Variants in CMBL observed in about 807,000 individuals in gnomAD.
CMBL encodes carboxymethylenebutenolidase homolog, also known as carboxymethylenebutenolidase homolog (Pseudomonas).
Under a neutral mutation model 28.7 loss-of-function variants are expected in CMBL, and 17 were observed. The ratio of observed to expected loss-of-function variants is 0.59; its 90% CI spans 0.41 to 0.89. The LOEUF is 0.89. CMBL is among the 40% of genes least tolerant of loss of function. The pLI is 0.00. For synonymous variants in CMBL, 106 were observed against 101.6 expected, an observed-to-expected ratio of 1.04 and a Z score of -0.26; for missense variants, 310 against 298.5, an observed-to-expected ratio of 1.04 and a Z score of -0.28.
rs374318372 is a variant in CMBL at position 10,291,648 on chromosome 5, G to A, written c.-19-867C>T. Among the ~76,000 whole-genome samples, 23 of 149,052 alleles carry A rather than the reference G, an allele frequency of 1.5e-4. No homozygotes were observed. The East Asian group carries it at 1.7e-3, about 11-fold the overall frequency. Reference sequence around the variant, plus strand: ...TGCACTCCAGCCTGGGGGACAGAGCGAGACGCCGTCTCAAAAACAAAAAAA... The same window carrying A: ...TGCACTCCAGCCTGGGGGACAGAGCAAGACGCCGTCTCAAAAACAAAAAAA... On this transcript the variant is annotated intron_variant, in intron 1 of 5. Transcript: ENST00000296658.
At chr5:10,286,589 T>G in intron 3 of CMBL, 93 bp from the exon 4 acceptor site, 1 of 1,216,204 alleles carries the variant, frequency 8.2e-7, no homozygotes, top group South Asian at 1.7e-5. Context: ...TATCAGCAAC[T>G]GTTTTTGAAG....
intron 3 of CMBL, 34 bp from the exon 4 acceptor site, chr5:10,286,530 G>C (rs1453177274): frequency 6.3e-7 from 1 of 1,599,772 alleles, no homozygotes; most frequent in Admixed American, 1.7e-5. Flanking sequence ...CAAGAATCAG[G>C]CTTATTTTGT....
In CMBL at chr5:10,290,770, A is replaced by T; in HGVS notation, c.-8T>A. Reference sequence around the variant, plus strand: ...ATAAGCTTCGTTAGCCATTGCAGAGATTTAAGTCGGGCTATGGAGAGAGAA... The same window carrying T: ...ATAAGCTTCGTTAGCCATTGCAGAGTTTTAAGTCGGGCTATGGAGAGAGAA... On this transcript the variant is annotated 5_prime_UTR_variant, in exon 2 of 6. Coordinates refer to ENST00000296658, the MANE Select transcript of CMBL (RefSeq NM_138809.4). The T allele has an allele frequency of 6.2e-7, 1 of 1,612,446 alleles. No homozygotes were observed. The highest frequency in any genetic ancestry group is 8.5e-7 in the Non-Finnish European group (1 of 1,178,486).
chr5:10,300,097 G>A (rs1212330642), intron 1 of CMBL, among the ~76,000 whole-genome samples: 1 of 152,228 alleles, frequency 6.6e-6, no homozygotes, highest in Non-Finnish European at 1.5e-5. Flanking sequence ...CAGATGTCCT[G>A]TAGTTAAGAT....
At chr5:10,297,728 C>A (rs2126558907) in intron 1 of CMBL, among the ~76,000 whole-genome samples, 1 of 152,064 alleles carries the variant, frequency 6.6e-6, no homozygotes, top group African/African-American at 2.4e-5. Flanking sequence ...CAATCAATGA[C>A]CCCGGGAGAG....
chr5:10,298,721 C>T (rs1199809889), intron 1 of CMBL, among the ~76,000 whole-genome samples: 1 of 152,136 alleles, frequency 6.6e-6, no homozygotes, highest in African/African-American at 2.4e-5. Flanking sequence ...GGCAAAACCC[C>T]GTTTCTACTA....
rs372804433 is a variant in CMBL at position 10,290,728 on chromosome 5, A to G, written c.35T>C (p.Ile12Thr). 3.1e-6 allele frequency: 5 copies of G among 1,614,118 alleles called. No individual in the cohort carries two copies. Among genetic ancestry groups the G allele is most frequent in the African/African-American group, 1.3e-5 (1 of 74,936 alleles). Residue 12 changes from isoleucine to threonine, a missense_variant, in exon 2 of 6, where the codon ATT becomes ACT. Physicochemically the swap from Ile to Thr is moderately conservative, Grantham distance 89. Transcript: ENST00000296658. The part of the protein sequence containing the change: ...ANEAYPCPCD[I>T]GHRLEYGGLG... ...CCCTCCATACTCAAGTCTGTGGCCAATGTCACACGGACAAGGATAAGCTTC... is the reference window on the plus strand; with the variant it reads ...CCCTCCATACTCAAGTCTGTGGCCAGTGTCACACGGACAAGGATAAGCTTC...
chr5:10,282,143 G>A (rs1746505409), intron 5 of CMBL, 54 bp downstream of exon 5: 1 of 1,263,256 alleles, frequency 7.9e-7, no homozygotes, highest in Non-Finnish European at 1.2e-6. Flanking sequence ...CTGGGCGACA[G>A]AGCGAGACTC....
At chr5:10,305,308 T>C (rs1283384965) in intron 1 of CMBL, among the ~76,000 whole-genome samples, 2 of 152,118 alleles carry the variant, frequency 1.3e-5, no homozygotes, top group Non-Finnish European at 2.9e-5. Flanking sequence ...GTGCTGCATA[T>C]GTGTGAATGA....
chr5:10,282,264 A>G lies in CMBL; in HGVS notation c.491T>C (p.Ile164Thr). The stretch of plus-strand genomic sequence containing the variant: ...CAAAGTGGGGTTCTTTAAATTGTAA[A>G]TGTCTTCAGAATCCTTGACAATGCC... ...VYGIVKDSED[I>T]YNLKNPTLFI... The change falls in exon 5 of 6, where the codon ATT (isoleucine) becomes ACT (threonine). Residue 164 changes from isoleucine to threonine, a missense_variant. Physicochemically the swap from Ile to Thr is moderately conservative, Grantham distance 89. Coordinates refer to ENST00000296658, the MANE Select transcript of CMBL (RefSeq NM_138809.4). 1 of 1,611,656 alleles carries G rather than the reference A, an allele frequency of 6.2e-7. No individual in the cohort carries two copies. Among genetic ancestry groups the G allele is most frequent in the Non-Finnish European group, 8.5e-7 (1 of 1,177,668 alleles).
chr5:10,291,292 A>T (rs1259701761), intron 1 of CMBL, among the ~76,000 whole-genome samples: 1 of 152,202 alleles, frequency 6.6e-6, no homozygotes, highest in African/African-American at 2.4e-5. Context: ...GCAAAAGGAG[A>T]AGAGCTCCAT....
At position 10,289,453 on chromosome 5, in the gene CMBL, G is replaced by GA. The variant is rs1360085137; in HGVS notation, c.216-925dup. Reference sequence around the variant, plus strand: ...CTAAAGGACCCTCCGTGAAACAACAGAAACAGCAATGCCATTTGATCGGCT... The same window carrying GA: ...CTAAAGGACCCTCCGTGAAACAACAGAAAACAGCAATGCCATTTGATCGGCT... On this transcript the variant is annotated intron_variant, in intron 2 of 5. Coordinates refer to ENST00000296658, the MANE Select transcript of CMBL (RefSeq NM_138809.4). This position sits in a 1 kb window ranked among gnomAD's most constrained non-coding sequence, Gnocchi z 4.3. Among the ~76,000 whole-genome samples the GA allele has an allele frequency of 6.6e-6, 1 of 152,208 alleles. No individual in the cohort carries two copies. Among genetic ancestry groups the GA allele is most frequent in the Non-Finnish European group, 1.5e-5 (1 of 68,040 alleles).
chr5:10,283,219 C>T (rs1421372262), intron 4 of CMBL, among the ~76,000 whole-genome samples: 1 of 152,112 alleles, frequency 6.6e-6, no homozygotes, highest in Non-Finnish European at 1.5e-5. Context: ...ATACCTCGTC[C>T]GCTGCTTAGT....
At chr5:10,281,636 G>A (rs1746498417) in intron 5 of CMBL, among the ~76,000 whole-genome samples, 1 of 152,186 alleles carries the variant, frequency 6.6e-6, no homozygotes, top group Admixed American at 6.5e-5. Context: ...TAGCATGGAG[G>A]TGGGGCAAGA....
rs189353646 is a variant in CMBL at position 10,281,515 on chromosome 5, G to A, written c.558+682C>T. Among the ~76,000 whole-genome samples, 22 of 152,312 alleles carry A rather than the reference G, an allele frequency of 1.4e-4. No individual in the cohort carries two copies. In the East Asian group the frequency reaches 3.7e-3, roughly 25 times the overall value. On this transcript the variant is annotated intron_variant, in intron 5 of 5. Coordinates refer to ENST00000296658, the MANE Select transcript of CMBL (RefSeq NM_138809.4). ...TTACAGGCATGAGCCACCACGCCCA[G>A]CTAAATGACTGCTTTTGAACCATAC...
In CMBL at chr5:10,290,613, A is replaced by G. The variant is rs1746693738; in HGVS notation, c.150T>C (p.Asp50=). Residue 50 remains aspartate (D), a synonymous_variant, in exon 2 of 6, where the codon GAT becomes GAC. Coordinates refer to ENST00000296658, the MANE Select transcript of CMBL (RefSeq NM_138809.4). ...TATTGGGCAACTGCCAGCCAAATAT[A>G]TCTTGAATGACAATCACAGCTTTGC... is the stretch of plus-strand genomic sequence containing the variant. ...DAGKAVIVIQ[D]IFGWQLPNTR... 1.2e-6 allele frequency: 2 copies of G among 1,614,226 alleles called. No individual in the cohort carries two copies. The highest frequency in any genetic ancestry group is 1.7e-6 in the Non-Finnish European group (2 of 1,180,042).
At chr5:10,298,210 A>G (rs1195121100) in intron 1 of CMBL, among the ~76,000 whole-genome samples, 1 of 152,134 alleles carries the variant, frequency 6.6e-6, no homozygotes, top group Non-Finnish European at 1.5e-5. Context: ...ACAAATCACC[A>G]TGGATCCCCA....
At chr5:10,286,941 G>T (rs1475737503) in intron 3 of CMBL, among the ~76,000 whole-genome samples, 4 of 152,134 alleles carry the variant, frequency 2.6e-5, no homozygotes, top group Non-Finnish European at 5.9e-5. Flanking sequence ...CCATAACTAT[G>T]GGCAGACGCC....
At chr5:10,301,232 T>C (rs1412546088) in intron 1 of CMBL, among the ~76,000 whole-genome samples, 4 of 152,192 alleles carry the variant, frequency 2.6e-5, no homozygotes, top group African/African-American at 9.7e-5. Context: ...CCCTTCACAT[T>C]ACTGAATATT....
Sources: allele counts gnomAD v4.1 joint callset (sites outside exome capture counted in the v4.1 genomes callset), GRCh38; gene constraint gnomAD v4.1.1; non-coding constraint Gnocchi (gnomAD v3.1); transcripts MANE v1.5; gene names NCBI Gene and HGNC (gene_info 2026-07-23, HGNC 2026-07-21).